A1CF: variants seen among roughly 807,000 people sequenced by gnomAD.
A1CF encodes APOBEC-1 stimulating protein.
A1CF carries 48 observed loss-of-function variants against 68.9 expected under a neutral mutation model. The observed-to-expected ratio is 0.70, with a 90% CI of 0.55 to 0.89. The LOEUF (loss-of-function observed/expected upper bound fraction) is 0.89. Ranked by LOEUF, A1CF falls within the 40% of genes least tolerant of loss-of-function variation. The pLI is 0.00. For missense variants in A1CF, 653 were observed against 718.9 expected (o/e 0.91, Z 1.05); for synonymous variants, 272 against 260.4 (o/e 1.04, Z -0.43).
intron 1 of A1CF, among the ~76,000 whole-genome samples, chr10:50,882,923 TG>T (rs1841846662): frequency 6.6e-6 from 1 of 152,194 alleles, no homozygotes; most frequent in African/African-American, 2.4e-5. Flanking sequence ...GCATGCACTG[TG>T]TCAGGGTGTC....
intron 11 of A1CF, among the ~76,000 whole-genome samples, 196 bp downstream of exon 11, chr10:50,810,844 G>T (rs1166355004): frequency 1.3e-5 from 2 of 152,160 alleles, no homozygotes; most frequent in Non-Finnish European, 2.9e-5. Flanking sequence ...AACCTTCATT[G>T]TGTATATGAA....
intron 3 of A1CF, among the ~76,000 whole-genome samples, chr10:50,846,078 A>T (rs1424630168): frequency 6.6e-6 from 1 of 152,228 alleles, no homozygotes; most frequent in African/African-American, 2.4e-5. Context: ...ATTTGGAAGA[A>T]CATATCTCAT....
At chr10:50,873,008 T>C (rs1841347421) in intron 1 of A1CF, among the ~76,000 whole-genome samples, 1 of 126,478 alleles carries the variant, frequency 7.9e-6, no homozygotes, top group African/African-American at 3.0e-5. Context: ...CAGGCTGGAG[T>C]GTGGTGGGGT....
At chr10:50,814,101 C>G in intron 9 of A1CF, 63 bp from the exon 10 acceptor site, 1 of 1,575,276 alleles carries the variant, frequency 6.3e-7, no homozygotes, top group Non-Finnish European at 8.7e-7. Flanking sequence ...ATCAAACCAC[C>G]AGAAAATCAC....
intron 5 of A1CF, among the ~76,000 whole-genome samples, chr10:50,841,502 C>T (rs1445533100): frequency 6.6e-6 from 1 of 152,140 alleles, no homozygotes; most frequent in East Asian, 1.9e-4. Context: ...AACTTTATCC[C>T]ATCCCTGGTT....
rs1291776086 is a variant in A1CF, at chr10:50,828,186, A to G, written c.714T>C (p.Leu238=). ...TCATCTCTTCAGAGGTAGACAGCAT[A>G]AGATTTCTTACATATAGGATTTTCA... ...SSVKILYVRN[L]MLSTSEEMIE... Residue 238 remains leucine (L), a synonymous_variant, in exon 7 of 13, where the codon CTT becomes CTC. Transcript: ENST00000373997. 1 of 1,609,136 alleles carries G rather than the reference A, an allele frequency of 6.2e-7. No homozygotes were observed. The highest frequency in any genetic ancestry group is 1.7e-5 in the Admixed American group (1 of 59,850).
At chr10:50,876,995 T>C (rs1189325100) in intron 1 of A1CF, among the ~76,000 whole-genome samples, 2 of 152,216 alleles carry the variant, frequency 1.3e-5, no homozygotes, top group Admixed American at 1.3e-4. Flanking sequence ...ATCAGACTAC[T>C]ACAGGTGACT....
intron 1 of A1CF, among the ~76,000 whole-genome samples, chr10:50,878,091 C>T (rs778917830): frequency 4.6e-5 from 7 of 152,056 alleles, no homozygotes; most frequent in Non-Finnish European, 7.4e-5. Context: ...TACTACACTC[C>T]AGCCTGGGTG....
rs987325621 is a variant in A1CF, at chr10:50,880,956, G to T, written c.-94+4625C>A. Among the ~76,000 whole-genome samples the T allele has an allele frequency of 2.0e-5, 3 of 150,948 alleles. No homozygotes were observed. The East Asian group carries it at 5.8e-4, about 29-fold the overall frequency. ...TGGTTCTTCTCTCACCTTCCACATG[G>T]ACCTTTATGTCCTCTCTTCACTGTT... On this transcript the variant is annotated intron_variant, in intron 1 of 12. Transcript: ENST00000373997.
chr10:50,823,872 T>C (rs1226792647), intron 7 of A1CF: 1 of 152,174 alleles, frequency 6.6e-6, no homozygotes, highest in Non-Finnish European at 1.5e-5. Context: ...AGGTAATATG[T>C]AGGTTCCTCT....
chr10:50,845,701 C>G (rs1839967867), intron 3 of A1CF, among the ~76,000 whole-genome samples: 1 of 152,136 alleles, frequency 6.6e-6, no homozygotes, highest in African/African-American at 2.4e-5. Flanking sequence ...TGCCTGTAAT[C>G]CCAGCACTTT....
intron 1 of A1CF, among the ~76,000 whole-genome samples, chr10:50,867,021 T>G (rs1841024748): frequency 6.6e-6 from 1 of 151,844 alleles, no homozygotes; most frequent in Non-Finnish European, 1.5e-5. Flanking sequence ...GGCCTGTTTT[T>G]TTTTTTTTCT....
At chr10:50,843,216 G>A (rs1839855530) in intron 4 of A1CF, among the ~76,000 whole-genome samples, 1 of 152,144 alleles carries the variant, frequency 6.6e-6, no homozygotes, top group South Asian at 2.1e-4. Context: ...TGTTTCAGGT[G>A]TTTCTTGATG....
intron 1 of A1CF, among the ~76,000 whole-genome samples, chr10:50,883,488 A>G (rs540577387): frequency 6.6e-6 from 1 of 152,190 alleles, no homozygotes; most frequent in Non-Finnish European, 1.5e-5. Context: ...AAAGTTTCTC[A>G]GATAGGCATA....
chr10:50,884,215 G>GA (rs923905414), intron 1 of A1CF, among the ~76,000 whole-genome samples: 18 of 152,140 alleles, frequency 1.2e-4, no homozygotes, highest in South Asian at 8.3e-4. Flanking sequence ...TAGTGCAGTA[G>GA]AAAATAAGAA....
chr10:50,818,032 T>C (rs1838454495), intron 8 of A1CF, among the ~76,000 whole-genome samples: 1 of 152,170 alleles, frequency 6.6e-6, no homozygotes, highest in Non-Finnish European at 1.5e-5. Context: ...TGGAAGCTTA[T>C]AATGACTTGT....
intron 2 of A1CF, chr10:50,863,075 T>G (rs1271450478): frequency 6.6e-6 from 1 of 152,242 alleles, no homozygotes; most frequent in Non-Finnish European, 1.5e-5. Context: ...CAGAAAGGTC[T>G]TTTGATCACA....
rs1837786920 is a variant in A1CF, at chr10:50,805,740, TG to T, written c.*988del. On this transcript the variant is annotated 3_prime_UTR_variant, in exon 13 of 13. Coordinates refer to ENST00000373997, the MANE Select transcript of A1CF (RefSeq NM_014576.4). ...ATAAGCATCTCTGATTGCTAGATGG[TG>T]GGGTGGATACTGCAACAATATCAAA... The T allele has an allele frequency of 6.6e-6, 1 of 152,124 alleles. No homozygotes were observed. The highest frequency in any genetic ancestry group is 1.5e-5 in the Non-Finnish European group (1 of 68,022). The allele number at this position is 152,124 out of a possible 1,614,324, so 9.4% of individuals were successfully genotyped here.
At chr10:50,814,197 G>A in intron 9 of A1CF, 159 bp from the exon 10 acceptor site, 1 of 709,452 alleles carries the variant, frequency 1.4e-6, no homozygotes, top group South Asian at 2.0e-5. Flanking sequence ...GGATTCTAAT[G>A]TAATGAAACT....
Sources: gnomAD v4.1 joint callset for allele counts (sites outside exome capture counted in the v4.1 genomes callset) on GRCh38, gnomAD v4.1.1 for gene constraint, MANE v1.5 for transcripts, NCBI Gene and HGNC (gene_info 2026-07-23, HGNC 2026-07-21) for gene names.